KCNH8: variants seen among roughly 807,000 people sequenced by gnomAD.
KCNH8 encodes the protein voltage-gated delayed rectifier potassium channel KCNH8.
Under a neutral mutation model 103.6 loss-of-function variants are expected in KCNH8, and 70 were observed. That is an observed-to-expected ratio of 0.68 (90% CI 0.56 to 0.82). The LOEUF (loss-of-function observed/expected upper bound fraction) is 0.82, where lower values mean the gene tolerates loss of function less well. KCNH8 is among the 40% of genes least tolerant of loss of function. The pLI is 0.00. For synonymous variants in KCNH8, 498 were observed against 489.4 expected (o/e 1.02, Z -0.23); for missense variants, 1,217 against 1,329.9 (o/e 0.92, Z 1.32).
chr3:19,375,581 C>T (rs191409037), intron 5 of KCNH8, among the ~76,000 whole-genome samples: 3,434 of 150,834 alleles, frequency 0.023, 67 homozygotes, highest in Non-Finnish European at 0.033. Context: ...GTAATTTGAT[C>T]GTCTGAAGCC....
At position 19,267,646 on chromosome 3, in the gene KCNH8, T is replaced by C. The variant is rs115324467; in HGVS notation, c.311-13552T>C. On this transcript the variant is annotated intron_variant, in intron 2 of 15. Transcript: ENST00000328405. The stretch of plus-strand genomic sequence containing the variant: ...TTAGCCAAGCTGATTAACCCTACAA[T>C]ATCTAATCTTGCCTGTAAGAGCAAG... Among the ~76,000 whole-genome samples, 436 of 152,188 alleles carry C rather than the reference T, an allele frequency of 2.9e-3. 3 individuals are homozygous for C. The highest frequency in any genetic ancestry group is 9.7e-3 in the African/African-American group (402 of 41,562).
chr3:19,484,047 T>C (rs960566624), intron 11 of KCNH8, among the ~76,000 whole-genome samples: 2 of 152,176 alleles, frequency 1.3e-5, no homozygotes, highest in Non-Finnish European at 2.9e-5. Flanking sequence ...TTCTAACTTA[T>C]TGCTATTAAT....
chr3:19,290,609 G>T (rs948444602), intron 3 of KCNH8, among the ~76,000 whole-genome samples: 2 of 152,336 alleles, frequency 1.3e-5, no homozygotes, highest in African/African-American at 4.8e-5. Context: ...ACTTGATCAT[G>T]CTGGATAACG....
chr3:19,345,105 G>T (rs1309755876), intron 4 of KCNH8, among the ~76,000 whole-genome samples: 1 of 151,976 alleles, frequency 6.6e-6, no homozygotes, highest in Non-Finnish European at 1.5e-5. Flanking sequence ...AACTTTGCCT[G>T]GTATACCTTG....
chr3:19,355,610 A>G (rs1347973585), intron 5 of KCNH8, among the ~76,000 whole-genome samples: 1 of 152,148 alleles, frequency 6.6e-6, no homozygotes, highest in Non-Finnish European at 1.5e-5. Flanking sequence ...AGAAACCATC[A>G]TTCTGAGCAA....
chr3:19,183,646 A>C (rs1575420448), intron 1 of KCNH8, among the ~76,000 whole-genome samples: 1 of 152,324 alleles, frequency 6.6e-6, no homozygotes, highest in South Asian at 2.1e-4. Context: ...GCATTTAACA[A>C]CCTCAGCAAA....
At chr3:19,301,776 T>G (rs2065067406) in intron 3 of KCNH8, among the ~76,000 whole-genome samples, 2 of 152,216 alleles carry the variant, frequency 1.3e-5, no homozygotes, top group African/African-American at 4.8e-5. Flanking sequence ...CTGTCCAACT[T>G]GGCTAGAAAT....
intron 1 of KCNH8, among the ~76,000 whole-genome samples, chr3:19,219,157 C>G (rs2063846434): frequency 6.6e-6 from 1 of 152,136 alleles, no homozygotes. Flanking sequence ...TCTGTTCCCT[C>G]TGCCTAGAAC....
intron 1 of KCNH8, among the ~76,000 whole-genome samples, chr3:19,205,439 C>A (rs1019363471): frequency 1.1e-4 from 16 of 152,140 alleles, no homozygotes; most frequent in Admixed American, 7.2e-4. Context: ...TCAAACTCTA[C>A]TTAACTATTC....
chr3:19,240,871 A>G (rs750038840), intron 1 of KCNH8, among the ~76,000 whole-genome samples: 1 of 151,898 alleles, frequency 6.6e-6, no homozygotes, highest in East Asian at 1.9e-4. Flanking sequence ...CAAATTTTTC[A>G]GCTCTTCTAA....
chr3:19,287,324 G>C (rs1044316066), intron 3 of KCNH8, among the ~76,000 whole-genome samples: 2 of 152,182 alleles, frequency 1.3e-5, no homozygotes, highest in African/African-American at 2.4e-5. Flanking sequence ...GATGAGGACA[G>C]AGATGTGCCC....
At chr3:19,274,350 A>T (rs1340590177) in intron 2 of KCNH8, among the ~76,000 whole-genome samples, 1 of 152,136 alleles carries the variant, frequency 6.6e-6, no homozygotes, top group Non-Finnish European at 1.5e-5. Flanking sequence ...GAATACAGCA[A>T]TCACTAGGTC....
chr3:19,388,983 A>G (rs1176802142), intron 5 of KCNH8, among the ~76,000 whole-genome samples: 1 of 152,172 alleles, frequency 6.6e-6, no homozygotes, highest in Non-Finnish European at 1.5e-5. Context: ...CAATGAGATT[A>G]TGATGATAAA....
chr3:19,524,592 G>GAA (rs60272277), intron 15 of KCNH8, among the ~76,000 whole-genome samples: 45 of 150,150 alleles, frequency 3.0e-4, no homozygotes, highest in African/African-American at 9.8e-4. Context: ...TCTCTCAAAA[G>GAA]AAAAAAAAAC....
intron 5 of KCNH8, among the ~76,000 whole-genome samples, chr3:19,352,075 G>A (rs928588673): frequency 2.6e-5 from 4 of 152,058 alleles, no homozygotes; most frequent in African/African-American, 9.7e-5. Context: ...AAAAAAAGCA[G>A]GGGTTGGAAT....
At chr3:19,169,415 T>G (rs1023855860) in intron 1 of KCNH8, among the ~76,000 whole-genome samples, 4 of 151,954 alleles carry the variant, frequency 2.6e-5, no homozygotes, top group African/African-American at 9.7e-5. Context: ...CCTGGCTAAT[T>G]TTTTGTATTT....
At chr3:19,190,543 G>A (rs1440549229) in intron 1 of KCNH8, among the ~76,000 whole-genome samples, 1 of 151,964 alleles carries the variant, frequency 6.6e-6, no homozygotes, top group African/African-American at 2.4e-5. Context: ...AAACCTGGCT[G>A]CTTTGACGGA....
At chr3:19,352,055 A>C (rs2065810662) in intron 5 of KCNH8, among the ~76,000 whole-genome samples, 1 of 152,170 alleles carries the variant, frequency 6.6e-6, no homozygotes, top group Admixed American at 6.5e-5. Context: ...TACCAAGCAA[A>C]TGGAAAACAA....
At chr3:19,343,680 GA>G (rs2065691573) in intron 4 of KCNH8, among the ~76,000 whole-genome samples, 1 of 152,014 alleles carries the variant, frequency 6.6e-6, no homozygotes, top group South Asian at 2.1e-4. Context: ...ACAGAGAGGG[GA>G]TCCTTTGGCA....
Sources: gnomAD v4.1 joint callset for allele counts (sites outside exome capture counted in the v4.1 genomes callset) on GRCh38, gnomAD v4.1.1 for gene constraint, MANE v1.5 for transcripts, NCBI Gene and HGNC (gene_info 2026-07-23, HGNC 2026-07-21) for gene names.